The following DSCAM variants were observed in gnomAD, a reference collection of about 807,000 sequenced individuals.
The protein encoded by DSCAM is cell adhesion molecule DSCAM.
DSCAM carries 47 observed loss-of-function variants against 217.7 expected under a neutral mutation model. The observed-to-expected ratio is 0.22, with a 90% CI of 0.17 to 0.28. DSCAM has a LOEUF of 0.28. Ranked by LOEUF, DSCAM falls within the 10% of genes least tolerant of loss-of-function variation. The probability of loss-of-function intolerance (pLI) is 1.00; values close to 1 mark genes in which losing one functional copy is unlikely to be tolerated. For synonymous variants in DSCAM, 1,056 were observed against 1,015.3 expected (o/e 1.04, Z -0.76); for missense variants, 2,080 against 2,618.3 (o/e 0.79, Z 4.49).
intron 19 of DSCAM, among the ~76,000 whole-genome samples, chr21:40,127,160 TTTA>T (rs1224620046): frequency 6.6e-6 from 1 of 152,216 alleles, no homozygotes; most frequent in Non-Finnish European, 1.5e-5. Context: ...ATGTAAATCA[TTTA>T]TTTATTGTTC....
chr21:40,179,160 A>G, intron 14 of DSCAM, 66 bp from the exon 15 acceptor site: 9 of 765,476 alleles, frequency 1.2e-5, no homozygotes, highest in Non-Finnish European at 1.5e-5. Flanking sequence ...TGCCTTTGAA[A>G]GTTCACAAGT....
chr21:40,349,111 TG>T (rs1240410302), intron 5 of DSCAM, among the ~76,000 whole-genome samples: 2 of 89,372 alleles, frequency 2.2e-5, no homozygotes, highest in African/African-American at 8.2e-5. Flanking sequence ...CACTCTAGCT[TG>T]GGGGACAGAG....
At chr21:40,048,424 A>AAAGAC (rs916106776) in intron 30 of DSCAM, among the ~76,000 whole-genome samples, 1 of 152,202 alleles carries the variant, frequency 6.6e-6, no homozygotes, top group Non-Finnish European at 1.5e-5. Flanking sequence ...AATCCACAGG[A>AAAGAC]AAGACAGAGA....
chr21:40,379,028 A>G (rs1374312044), intron 3 of DSCAM, among the ~76,000 whole-genome samples: 2 of 152,204 alleles, frequency 1.3e-5, no homozygotes, highest in African/African-American at 2.4e-5. Flanking sequence ...AAAAATCTCC[A>G]CTACATAGTC....
At chr21:40,605,137 T>C (rs930705867) in intron 3 of DSCAM, among the ~76,000 whole-genome samples, 72 of 152,306 alleles carry the variant, frequency 4.7e-4, no homozygotes, top group African/African-American at 1.6e-3. Flanking sequence ...AAGAAAGCTG[T>C]AGGGGCTCCT....
chr21:40,793,943 T>C (rs2091669163), intron 1 of DSCAM, among the ~76,000 whole-genome samples: 1 of 152,202 alleles, frequency 6.6e-6, no homozygotes, highest in African/African-American at 2.4e-5. Context: ...TTATTAGTTT[T>C]GTTGTTTGTG....
chr21:40,668,879 T>C lies in DSCAM; in HGVS notation c.508+23931A>G, dbSNP rs1229955311. The stretch of plus-strand genomic sequence containing the variant: ...GTATAGTCCAGTCAAAAGATAGTGA[T>C]TGGGAAAAAAACAAAGAAAAGATAC... On this transcript the variant is annotated intron_variant, in intron 3 of 32. Coordinates refer to ENST00000400454, the MANE Select transcript of DSCAM (RefSeq NM_001389.5). Among the ~76,000 whole-genome samples the C allele has an allele frequency of 3.6e-5, 5 of 138,248 alleles. No homozygotes were observed. The Admixed American group carries it at 4.1e-4, about 11-fold the overall frequency. The allele number at this position is 138,248 out of a possible 152,430, so 90.7% of individuals were successfully genotyped here.
Position 40,276,177 on chromosome 21 carries a change from T to G in DSCAM, c.2276A>C (p.Glu759Ala). The G allele has an allele frequency of 1.2e-6, 2 of 1,613,396 alleles. No individual in the cohort carries two copies. The highest frequency in any genetic ancestry group is 1.7e-6 in the Non-Finnish European group (2 of 1,179,632). Reference sequence around the variant, plus strand: ...CTTGCAGAGGTAGTAGCCACTGTCTTCCTCCACGACATGCTTGATCAGCAA... The same window carrying G: ...CTTGCAGAGGTAGTAGCCACTGTCTGCCTCCACGACATGCTTGATCAGCAA... ...GSLLIKHVVE[E>A]DSGYYLCKVS... is the part of the protein sequence containing the mutation. The change falls in exon 11 of 33, where the codon GAA becomes GCA. Residue 759 changes from glutamate (E) to alanine (A), a missense_variant. Coordinates refer to ENST00000400454, the MANE Select transcript of DSCAM (RefSeq NM_001389.5).
At chr21:40,114,626 A>C (rs1601344844) in intron 20 of DSCAM, among the ~76,000 whole-genome samples, 2 of 152,258 alleles carry the variant, frequency 1.3e-5, no homozygotes, top group Admixed American at 6.5e-5. Context: ...GTGAACAGGC[A>C]ACCTACAGAA....
intron 3 of DSCAM, chr21:40,630,781 A>G (rs755695799): frequency 2.6e-5 from 4 of 152,290 alleles, no homozygotes; most frequent in Non-Finnish European, 5.9e-5. Context: ...GACACAAACA[A>G]AAACGCTGGA....
chr21:40,129,931 C>T (rs1021195857), intron 19 of DSCAM, among the ~76,000 whole-genome samples: 4 of 152,078 alleles, frequency 2.6e-5, no homozygotes, highest in Non-Finnish European at 5.9e-5. Context: ...TTTTTTGCTT[C>T]CTCTTAGCTC....
chr21:40,210,595 A>G (rs1483700919), intron 11 of DSCAM, among the ~76,000 whole-genome samples: 1 of 152,226 alleles, frequency 6.6e-6, no homozygotes, highest in Non-Finnish European at 1.5e-5. Flanking sequence ...CCCAGGCTAG[A>G]GTGCAGTGGC....
intron 8 of DSCAM, among the ~76,000 whole-genome samples, chr21:40,319,969 T>C (rs1569061443): frequency 1.3e-5 from 2 of 152,340 alleles, no homozygotes; most frequent in Admixed American, 1.3e-4. Flanking sequence ...AAACACTGCA[T>C]GTTCTCACTT....
At chr21:40,548,836 C>T (rs2837698) in intron 3 of DSCAM, among the ~76,000 whole-genome samples, 85,971 of 151,974 alleles carry the variant, frequency 0.57, 24,470 homozygotes, top group East Asian at 0.67. Flanking sequence ...TAGTACACAG[C>T]GATATTTTAT....
rs773005304 is a variant in DSCAM, at chr21:40,178,998, C to T, written c.2876G>A (p.Arg959His). ...DIHPSSTYSI[R>H]MYAKNRIGKS... The stretch of plus-strand genomic sequence containing the variant: ...GCCAATCCGGTTCTTGGCGTACATG[C>T]GGATGCTGTAGGTGGAGGAAGGGTG... Residue 959 changes from arginine (R) to histidine (H), a missense_variant, in exon 15 of 33, where the codon CGC becomes CAC. Physicochemically the swap from Arg to His is conservative, Grantham distance 29. This residue lies in a region of DSCAM where 1,144 missense variants were observed against 1,421.1 expected (regional missense o/e 0.81). Transcript: ENST00000400454. The T allele has an allele frequency of 3.1e-6, 5 of 1,613,776 alleles. No individual in the cohort carries two copies. The highest frequency in any genetic ancestry group is 2.2e-5 in the East Asian group (1 of 44,854).
chr21:40,765,245 T>A (rs1401119363), intron 1 of DSCAM, among the ~76,000 whole-genome samples: 3 of 152,120 alleles, frequency 2.0e-5, no homozygotes, highest in African/African-American at 7.2e-5. Flanking sequence ...ATTTCTGAGG[T>A]CTCTGGCTCC....
intron 11 of DSCAM, among the ~76,000 whole-genome samples, chr21:40,242,344 C>A (rs1366397827): frequency 6.6e-6 from 1 of 152,198 alleles, no homozygotes; most frequent in Non-Finnish European, 1.5e-5. Context: ...CTTGTTCTGC[C>A]TGGTCCCTTG....
intron 3 of DSCAM, among the ~76,000 whole-genome samples, chr21:40,461,577 T>C (rs1163751018): frequency 6.6e-6 from 1 of 152,096 alleles, no homozygotes; most frequent in Non-Finnish European, 1.5e-5. Flanking sequence ...GGTAGAATAA[T>C]GTCCCAATCC....
intron 1 of DSCAM, among the ~76,000 whole-genome samples, 163 bp downstream of exon 1, chr21:40,846,456 T>C (rs548397616): frequency 1.3e-4 from 20 of 151,770 alleles, no homozygotes; most frequent in Admixed American, 1.2e-3. Flanking sequence ...CCCCAAAAAA[T>C]AAATATGATA....
Sources: gnomAD v4.1 joint callset for allele counts (sites outside exome capture counted in the v4.1 genomes callset) on GRCh38, gnomAD v4.1.1 for gene constraint, gnomAD v4.1.1 regional missense constraint, MANE v1.5 for transcripts, NCBI Gene and HGNC (gene_info 2026-07-23, HGNC 2026-07-21) for gene names.